The following KIAA0825 variants were observed in gnomAD, a reference collection of about 807,000 sequenced individuals.
KIAA0825 encodes the protein KIAA0825, also known as uncharacterized protein KIAA0825.
A neutral mutation model predicts 147.6 loss-of-function variants in KIAA0825; 119 were observed. The ratio of observed to expected loss-of-function variants is 0.81; its 90% CI spans 0.69 to 0.94. The LOEUF is 0.94. Among genes scored for constraint, KIAA0825 ranks in the 40% least tolerant of loss-of-function variants. The pLI is 0.00. For synonymous variants in KIAA0825, 470 were observed against 518.1 expected (o/e 0.91, Z 1.26); for missense variants, 1,381 against 1,472.7 (o/e 0.94, Z 1.02).
rs1285352708 is a variant in KIAA0825, at chr5:94,465,062, G to A, written c.1873-3C>T. 1.3e-6 allele frequency: 2 copies of A among 1,550,462 alleles called. No homozygotes were observed. The highest frequency in any genetic ancestry group is 2.7e-5 in the African/African-American group (2 of 72,988). ...ATCGAGAAGGAACATCTTTCCCCCT[G>A]GCAAAGCCAGCACACGTTAAACCAT... On this transcript the variant is annotated splice_region_variant and splice_polypyrimidine_tract_variant and intron_variant, in intron 10 of 20. Coordinates refer to ENST00000682413, the MANE Select transcript of KIAA0825 (RefSeq NM_001145678.3).
intron 20 of KIAA0825, among the ~76,000 whole-genome samples, chr5:94,307,315 C>A (rs903089638): frequency 4.0e-5 from 6 of 151,726 alleles, no homozygotes; most frequent in African/African-American, 1.5e-4. Context: ...ATCTACTTTT[C>A]CCCTCACTTT....
intron 20 of KIAA0825, among the ~76,000 whole-genome samples, chr5:94,368,878 C>T (rs1746253078): frequency 6.6e-6 from 1 of 152,032 alleles, no homozygotes; most frequent in African/African-American, 2.4e-5. Flanking sequence ...TATTAAATTA[C>T]TATTATGGGC....
intron 2 of KIAA0825, chr5:94,569,718 C>A: frequency 3.3e-6 from 1 of 304,582 alleles, no homozygotes; most frequent in Non-Finnish European, 6.1e-6. Context: ...CCAGATGCTT[C>A]AACCGCCTTC....
At chr5:94,522,606 T>C (rs963497666) in intron 4 of KIAA0825, among the ~76,000 whole-genome samples, 1 of 151,586 alleles carries the variant, frequency 6.6e-6, no homozygotes, top group Non-Finnish European at 1.5e-5. Context: ...AAATTTTCTA[T>C]GAAAAAAACA....
intron 1 of KIAA0825, among the ~76,000 whole-genome samples, chr5:94,584,933 C>T (rs915784652): frequency 2.6e-5 from 4 of 152,104 alleles, no homozygotes; most frequent in Non-Finnish European, 5.9e-5. Context: ...TCATATTGAG[C>T]CAAACTAAGC....
At chr5:94,576,257 C>G (rs1378697968) in intron 2 of KIAA0825, among the ~76,000 whole-genome samples, 1 of 152,080 alleles carries the variant, frequency 6.6e-6, no homozygotes, top group Non-Finnish European at 1.5e-5. Flanking sequence ...AGCAGTGTAT[C>G]ATGTTGCTAT....
intron 5 of KIAA0825, among the ~76,000 whole-genome samples, chr5:94,509,187 G>C (rs77958465): frequency 6.6e-6 from 1 of 152,256 alleles, no homozygotes; most frequent in Admixed American, 6.5e-5. Flanking sequence ...AGAACTATCA[G>C]GGCAGCAGAG....
intron 5 of KIAA0825, among the ~76,000 whole-genome samples, chr5:94,495,780 T>C (rs144902825): frequency 1.3e-5 from 2 of 152,374 alleles, no homozygotes; most frequent in African/African-American, 4.8e-5. Context: ...TGTCATCCTA[T>C]TTTGATATAA....
intron 20 of KIAA0825, among the ~76,000 whole-genome samples, chr5:94,329,744 TC>T (rs1167066190): frequency 1.3e-5 from 2 of 151,854 alleles, no homozygotes; most frequent in African/African-American, 4.8e-5. Context: ...ATTTTTTCCC[TC>T]CCCCCCTTTT....
At chr5:94,238,760 A>G (rs892505434) in intron 20 of KIAA0825, among the ~76,000 whole-genome samples, 2 of 152,000 alleles carry the variant, frequency 1.3e-5, no homozygotes, top group South Asian at 4.1e-4. Flanking sequence ...CTGCATTCCC[A>G]TGTTTGTCTT....
chr5:94,291,793 A>G (rs541638818), intron 20 of KIAA0825, among the ~76,000 whole-genome samples: 1 of 152,226 alleles, frequency 6.6e-6, no homozygotes, highest in Admixed American at 6.5e-5. Context: ...TTCCTTTAGC[A>G]GTGGTTTGTA....
At chr5:94,595,169 G>A (rs1785056412) in intron 1 of KIAA0825, among the ~76,000 whole-genome samples, 1 of 152,162 alleles carries the variant, frequency 6.6e-6, no homozygotes, top group South Asian at 2.1e-4. Flanking sequence ...CTCTGTGTGG[G>A]GGCTGCCACT....
intron 20 of KIAA0825, among the ~76,000 whole-genome samples, chr5:94,228,461 A>G (rs1323883298): frequency 6.6e-6 from 1 of 152,138 alleles, no homozygotes; most frequent in Non-Finnish European, 1.5e-5. Context: ...CAGTATTACC[A>G]AGGACTCAGG....
intron 20 of KIAA0825, among the ~76,000 whole-genome samples, chr5:94,230,845 T>C (rs1278600418): frequency 6.6e-6 from 1 of 152,174 alleles, no homozygotes; most frequent in Non-Finnish European, 1.5e-5. Flanking sequence ...CCTCACGTCC[T>C]TCCCAATATT....
At chr5:94,594,716 C>T (rs1407005730) in intron 1 of KIAA0825, 5 of 631,518 alleles carry the variant, frequency 7.9e-6, no homozygotes, top group African/African-American at 1.8e-5. Context: ...TTGAATGGAA[C>T]TCTATGGCAC....
At chr5:94,278,843 A>AT (rs1554252885) in intron 20 of KIAA0825, among the ~76,000 whole-genome samples, 1 of 152,030 alleles carries the variant, frequency 6.6e-6, no homozygotes, top group Non-Finnish European at 1.5e-5. Context: ...ACTTTCCTAA[A>AT]TTTCAATTCT....
intron 1 of KIAA0825, chr5:94,618,045 C>T (rs1009494636): frequency 1.3e-5 from 2 of 152,262 alleles, no homozygotes; most frequent in Non-Finnish European, 2.9e-5. Flanking sequence ...GAAGGAACCT[C>T]CCCATCTCAC....
intron 2 of KIAA0825, among the ~76,000 whole-genome samples, chr5:94,541,452 T>C (rs1773293998): frequency 6.6e-6 from 1 of 152,238 alleles, no homozygotes; most frequent in Admixed American, 6.5e-5. Flanking sequence ...ATTTATTTAC[T>C]TTTTGGCTAA....
rs1386044229 is a variant in KIAA0825, at chr5:94,152,903, T to TAG, written c.*1103_*1104insCT. On this transcript the variant is annotated 3_prime_UTR_variant, in exon 21 of 21. Transcript: ENST00000682413. ...ATATATATATATATATATATATATA[T>TAG]GGTTTCTCCCAGACGTTCTTAGACT... 3.5e-4 allele frequency: 7 copies of TAG among 20,218 alleles called. 1 individual carries two copies. Among genetic ancestry groups the TAG allele is most frequent in the Non-Finnish European group, 5.6e-4 (6 of 10,784 alleles). The allele number at this position is 20,218 out of a possible 1,614,324, so 1.3% of individuals were successfully genotyped here.
Sources: gnomAD v4.1 joint callset for allele counts (sites outside exome capture counted in the v4.1 genomes callset) on GRCh38, gnomAD v4.1.1 for gene constraint, MANE v1.5 for transcripts, NCBI Gene and HGNC (gene_info 2026-07-23, HGNC 2026-07-21) for gene names.